Variants in SLC25A13 observed in about 807,000 individuals in gnomAD.
The protein encoded by SLC25A13 is solute carrier family 25 member 13.
A neutral mutation model predicts 85.5 loss-of-function variants in SLC25A13; 70 were observed. That is an observed-to-expected ratio of 0.82 (90% CI 0.68 to 1.00). The LOEUF is 1.00. Among genes scored for constraint, SLC25A13 ranks in the 50% least tolerant of loss-of-function variants. SLC25A13 has a pLI of 0.00. For missense variants in SLC25A13, 765 were observed against 819.8 expected, an observed-to-expected ratio of 0.93 and a Z score of 0.82; for synonymous variants, 259 against 288.7, an observed-to-expected ratio of 0.90 and a Z score of 1.04.
At chr7:96,204,082 A>G (rs1795367546) in intron 5 of SLC25A13, among the ~76,000 whole-genome samples, 1 of 152,208 alleles carries the variant, frequency 6.6e-6, no homozygotes, top group Non-Finnish European at 1.5e-5. Context: ...ACATAATGAA[A>G]GCTATGGGCC....
chr7:96,317,060 C>A (rs918263067), intron 1 of SLC25A13, among the ~76,000 whole-genome samples: 7 of 152,166 alleles, frequency 4.6e-5, no homozygotes, highest in African/African-American at 1.7e-4. Flanking sequence ...ACCTCCGCCT[C>A]CCAGGTTGAA....
intron 12 of SLC25A13, 124 bp downstream of exon 12, chr7:96,171,348 C>T (rs563310843): frequency 1.2e-6 from 1 of 828,284 alleles, no homozygotes; most frequent in Admixed American, 2.0e-5. Flanking sequence ...TGGTGAGTTC[C>T]CCTGCTTTCA....
intron 4 of SLC25A13, among the ~76,000 whole-genome samples, chr7:96,209,322 CAG>C (rs1339186642): frequency 1.4e-5 from 2 of 144,862 alleles, no homozygotes; most frequent in East Asian, 4.2e-4. Flanking sequence ...GTACAGAGGA[CAG>C]AATTCAATCT....
intron 1 of SLC25A13, among the ~76,000 whole-genome samples, chr7:96,308,831 C>T (rs550999244): frequency 1.3e-5 from 2 of 152,290 alleles, no homozygotes; most frequent in South Asian, 2.1e-4. Flanking sequence ...TCTTCATTTA[C>T]AAGCGCTCTT....
At chr7:96,131,434 T>C (rs1171187225) in intron 15 of SLC25A13, among the ~76,000 whole-genome samples, 2 of 152,236 alleles carry the variant, frequency 1.3e-5, no homozygotes, top group East Asian at 3.8e-4. Context: ...TAAACAGTTA[T>C]TCTTATGCTG....
chr7:96,265,696 AAAT>A (rs1798021635), intron 3 of SLC25A13, among the ~76,000 whole-genome samples: 4 of 152,334 alleles, frequency 2.6e-5, no homozygotes, highest in Admixed American at 2.6e-4. Flanking sequence ...GTAATGAAGA[AAAT>A]AATGATTGCT....
At chr7:96,229,164 C>G (rs1431180037) in intron 4 of SLC25A13, among the ~76,000 whole-genome samples, 1 of 152,224 alleles carries the variant, frequency 6.6e-6, no homozygotes, top group South Asian at 2.1e-4. Flanking sequence ...GTGAAGCCAG[C>G]TGGGCTCCTG....
intron 4 of SLC25A13, among the ~76,000 whole-genome samples, chr7:96,223,789 G>GAA (rs56882933): frequency 1.1e-4 from 10 of 94,222 alleles, no homozygotes; most frequent in African/African-American, 2.0e-4. Flanking sequence ...CTCCATCTCT[G>GAA]AAAAAAAAAA....
Position 96,322,071 on chromosome 7 carries a change from C to T in SLC25A13, c.-115G>A, listed in dbSNP as rs543933601. 9 of 1,406,472 alleles carry T rather than the reference C, an allele frequency of 6.4e-6. No individual in the cohort carries two copies. In the East Asian group the frequency reaches 1.3e-4, roughly 21 times the overall value. The allele number at this position is 1,406,472 out of a possible 1,614,324, so 87.1% of individuals were successfully genotyped here. On this transcript the variant is annotated 5_prime_UTR_variant, in exon 1 of 18. Transcript: ENST00000265631. ...GGCGGCGGTGGGGGCGGCGATACGG[C>T]CAGGCAGCGTGCGTTCCTGGCCTGC...
intron 13 of SLC25A13, among the ~76,000 whole-genome samples, chr7:96,159,823 G>A (rs1793439028): frequency 6.6e-6 from 1 of 152,092 alleles, no homozygotes; most frequent in South Asian, 2.1e-4. Flanking sequence ...ATACCAAACT[G>A]AAATATCCTA....
At chr7:96,199,657 G>A (rs1795183131) in intron 5 of SLC25A13, among the ~76,000 whole-genome samples, 1 of 152,100 alleles carries the variant, frequency 6.6e-6, no homozygotes, top group Admixed American at 6.5e-5. Flanking sequence ...TTTAATATGT[G>A]CCAGTGAACT....
intron 3 of SLC25A13, among the ~76,000 whole-genome samples, chr7:96,250,029 A>T (rs1797354304): frequency 6.6e-6 from 1 of 152,102 alleles, no homozygotes; most frequent in African/African-American, 2.4e-5. Context: ...CCAAAAATAT[A>T]AAAATTAGCC....
chr7:96,166,633 T>TGAA (rs1423501916), intron 13 of SLC25A13, among the ~76,000 whole-genome samples: 2 of 152,200 alleles, frequency 1.3e-5, no homozygotes, highest in African/African-American at 4.8e-5. Context: ...CTTTGTTGAA[T>TGAA]GAAGCACTGC....
intron 14 of SLC25A13, among the ~76,000 whole-genome samples, chr7:96,137,192 T>A (rs1792324553): frequency 6.6e-6 from 1 of 152,182 alleles, no homozygotes; most frequent in Non-Finnish European, 1.5e-5. Context: ...AGTTTGAGTG[T>A]CTTGCTGAGA....
chr7:96,135,956 G>A (rs1792269699), intron 14 of SLC25A13, among the ~76,000 whole-genome samples: 1 of 149,314 alleles, frequency 6.7e-6, no homozygotes, highest in Non-Finnish European at 1.5e-5. Flanking sequence ...ACTATAATCA[G>A]TTGGGGAAAA....
chr7:96,253,026 G>A lies in SLC25A13; in HGVS notation c.213-18109C>T, dbSNP rs548745533. Among the ~76,000 whole-genome samples, 13 of 152,238 alleles carry A rather than the reference G, an allele frequency of 8.5e-5. No homozygotes were observed. The South Asian group carries it at 1.2e-3, about 15-fold the overall frequency. On this transcript the variant is annotated intron_variant, in intron 3 of 17. Coordinates refer to ENST00000265631, the MANE Select transcript of SLC25A13 (RefSeq NM_014251.3). ...GAAGAATCGCTTGAACCCGGGAGGC[G>A]GAGGTTGCAGTGAGCTGAGATCATG... is the stretch of plus-strand genomic sequence containing the variant.
intron 2 of SLC25A13, among the ~76,000 whole-genome samples, chr7:96,280,925 A>C (rs1269978011): frequency 4.6e-5 from 7 of 152,206 alleles, no homozygotes. Context: ...TTCAATCAGA[A>C]GTATATCACC....
chr7:96,290,400 G>A, intron 2 of SLC25A13, among the ~76,000 whole-genome samples: 3 of 152,102 alleles, frequency 2.0e-5, no homozygotes. Context: ...ACATCATAAA[G>A]ACAGGATCAA....
chr7:96,211,651 T>G (rs766673510), intron 4 of SLC25A13, among the ~76,000 whole-genome samples: 25 of 152,208 alleles, frequency 1.6e-4, no homozygotes, highest in Non-Finnish European at 2.2e-4. Context: ...AGAGAGCAAC[T>G]GCTCACTAAG....
Sources: gnomAD v4.1 joint callset for allele counts (sites outside exome capture counted in the v4.1 genomes callset) on GRCh38, gnomAD v4.1.1 for gene constraint, MANE v1.5 for transcripts, NCBI Gene and HGNC (gene_info 2026-07-23, HGNC 2026-07-21) for gene names.